Variants in XKRX observed in about 807,000 individuals in gnomAD.
The protein encoded by XKRX is XK-related protein 2.
Under a neutral mutation model 22.4 loss-of-function variants are expected in XKRX, and 11 were observed. That is an observed-to-expected ratio of 0.49 (90% CI 0.31 to 0.81). XKRX has a LOEUF of 0.81. XKRX is among the 40% of genes least tolerant of loss of function. The probability of loss-of-function intolerance (pLI) is 0.05; values close to 1 mark genes in which losing one functional copy is unlikely to be tolerated. For synonymous variants in XKRX, 114 were observed against 132.2 expected (o/e 0.86, Z 0.94); for missense variants, 320 against 336.5 (o/e 0.95, Z 0.38).
At chrX:100,908,106 A>AGTGTGTGTGTGTGTGTGTGTGTGT in the XKRX span, among the ~76,000 whole-genome samples, 116 of 86,985 alleles carry the variant, frequency 1.3e-3, no homozygotes, top group African/African-American at 1.9e-3. Flanking sequence ...TCATGCATGG[A>AGTGTGTGTGTGTGTGTGTGTGTGT]GTGTGTGTGT....
In XKRX at chrX:100,926,314, G is replaced by A. The variant is rs916211; in HGVS notation, c.335+1656C>T. Among the ~76,000 whole-genome samples the A allele has an allele frequency of 6.1e-4, 67 of 110,435 alleles. 1 individual carries two copies. In the East Asian group the frequency reaches 9.6e-3, roughly 16 times the overall value. On this transcript the variant is annotated intron_variant, in intron 1 of 2. Transcript: ENST00000372956. Reference sequence around the variant, plus strand: ...GAACACACAACCAGTCAATGACAGGGGGAAGACTAGACTCCAAATTTCAGG... The same window carrying A: ...GAACACACAACCAGTCAATGACAGGAGGAAGACTAGACTCCAAATTTCAGG...
At chrX:100,915,205 C>G in intron 2 of XKRX, 122 bp from the exon 3 acceptor site, 1 of 718,643 alleles carries the variant, frequency 1.4e-6, no homozygotes. Flanking sequence ...CAGTTAAGAG[C>G]AAATGCAAAT....
At chrX:100,909,809 G>A (rs1054641084), downstream of XKRX, among the ~76,000 whole-genome samples, 9 of 105,733 alleles carry the variant, frequency 8.5e-5, no homozygotes, top group African/African-American at 1.7e-4. Context: ...AGGCTGAGGC[G>A]GGAGAATCAC....
At chrX:100,940,556 G>A in the XKRX span, among the ~76,000 whole-genome samples, 1 of 111,497 alleles carries the variant, frequency 9.0e-6, no homozygotes, top group African/African-American at 3.3e-5. Flanking sequence ...ACCCTATTGA[G>A]CTTCCAAAGA....
chrX:100,915,933 A>AT (rs2085433263), intron 2 of XKRX, among the ~76,000 whole-genome samples: 1 of 110,997 alleles, frequency 9.0e-6, no homozygotes, highest in Non-Finnish European at 1.9e-5. Context: ...ATTTAGGGAA[A>AT]TAGAAGGATT....
chrX:100,938,612 G>C, the XKRX span, among the ~76,000 whole-genome samples: 1 of 111,391 alleles, frequency 9.0e-6, no homozygotes, highest in Non-Finnish European at 1.9e-5. Context: ...CTGGGCAACA[G>C]AGCAAGACTC....
chrX:100,891,019 T>C, the XKRX span, among the ~76,000 whole-genome samples: 10 of 112,033 alleles, frequency 8.9e-5, no homozygotes, highest in African/African-American at 3.2e-4. Flanking sequence ...TAAACCTTTA[T>C]TTTTATTCAT....
the XKRX span, among the ~76,000 whole-genome samples, chrX:100,889,523 C>T: frequency 9.0e-6 from 1 of 110,628 alleles, no homozygotes; most frequent in Non-Finnish European, 1.9e-5. Flanking sequence ...AGATGTGAGG[C>T]ACTGTGCCTG....
At chrX:100,902,118 CAG>C in the XKRX span, among the ~76,000 whole-genome samples, 1 of 110,080 alleles carries the variant, frequency 9.1e-6, no homozygotes, top group Non-Finnish European at 1.9e-5. Context: ...AAATCAGTAA[CAG>C]AAAGATAGCT....
chrX:100,907,510 C>T, the XKRX span, among the ~76,000 whole-genome samples: 1 of 112,026 alleles, frequency 8.9e-6, no homozygotes, highest in African/African-American at 3.2e-5. Context: ...TGTCCCTTAT[C>T]TTTTCATTCA....
upstream of XKRX, among the ~76,000 whole-genome samples, chrX:100,931,104 C>G (rs912487003): frequency 1.9e-5 from 2 of 106,645 alleles, no homozygotes; most frequent in Admixed American, 2.0e-4. Flanking sequence ...TGCACTCCAG[C>G]CTGGGTGACA....
Position 100,915,022 on chromosome X carries a change from C to G in XKRX, c.666G>C (p.Leu222Phe). The change falls in exon 3 of 3, where the codon TTG becomes TTC. Residue 222 changes from leucine (L) to phenylalanine (F), a missense_variant. Transcript: ENST00000372956. ...AGTCATCGTACTTGATCTGGATAGC[C>G]AACATATTGCAAAGGGTGGCCCCAT... ...VTYGATLCNM[L>F]AIQIKYDDYK... is the part of the protein sequence containing the mutation. The G allele has an allele frequency of 8.3e-7, 1 of 1,211,182 alleles. No individual in the cohort carries two copies. The highest frequency in any genetic ancestry group is 1.1e-6 in the Non-Finnish European group (1 of 895,312).
the XKRX span, among the ~76,000 whole-genome samples, chrX:100,889,029 A>G: frequency 9.1e-6 from 1 of 109,990 alleles, no homozygotes; most frequent in Non-Finnish European, 1.9e-5. Context: ...AAGTGAGGTC[A>G]GGAGTTCGAG....
the XKRX span, among the ~76,000 whole-genome samples, chrX:100,934,753 C>G: frequency 8.9e-6 from 1 of 112,056 alleles, no homozygotes; most frequent in South Asian, 3.7e-4. Context: ...AATGCTAGAT[C>G]ATATGGTAAC....
chrX:100,889,239 CA>C, the XKRX span, among the ~76,000 whole-genome samples: 10,842 of 53,039 alleles, frequency 0.2, 611 homozygotes, highest in Middle Eastern at 0.31. Flanking sequence ...GACTCTATCT[CA>C]AAAAAAAAAA....
upstream of XKRX, among the ~76,000 whole-genome samples, chrX:100,930,322 A>ATG (rs1569456658): frequency 0.025 from 2,167 of 87,745 alleles, 62 homozygotes; most frequent in African/African-American, 0.086. Context: ...TAATAATAAT[A>ATG]ATAATGATGA....
At chrX:100,944,431 C>G in the XKRX span, among the ~76,000 whole-genome samples, 13 of 111,637 alleles carry the variant, frequency 1.2e-4, no homozygotes, top group African/African-American at 3.6e-4. Context: ...GGCGTGATCT[C>G]GGCACACTGC....
chrX:100,934,586 C>T, the XKRX span, among the ~76,000 whole-genome samples: 1 of 112,015 alleles, frequency 8.9e-6, no homozygotes, highest in East Asian at 2.8e-4. Context: ...ACTACAACAT[C>T]TAGACTGGTG....
chrX:100,937,531 T>A, the XKRX span, among the ~76,000 whole-genome samples: 1 of 111,831 alleles, frequency 8.9e-6, no homozygotes, highest in African/African-American at 3.3e-5. Context: ...ATGCAGGTGG[T>A]CAGAGGACTA....
Sources: gnomAD v4.1 joint callset for allele counts (sites outside exome capture counted in the v4.1 genomes callset) on GRCh38, gnomAD v4.1.1 for gene constraint, MANE v1.5 for transcripts, NCBI Gene and HGNC (gene_info 2026-07-23, HGNC 2026-07-21) for gene names.